The following TUSC3 variants were observed in gnomAD, a reference collection of about 807,000 sequenced individuals.
The protein encoded by TUSC3 is dolichyl-diphosphooligosaccharide--protein glycosyltransferase subunit TUSC3.
In TUSC3, 45 loss-of-function variants were observed where a neutral mutation model predicts 44.8. The ratio of observed to expected loss-of-function variants is 1.00; its 90% CI spans 0.79 to 1.29. TUSC3 has a LOEUF of 1.29. TUSC3 is among the 50% of genes most tolerant of loss of function. The probability of loss-of-function intolerance (pLI) is 0.00; values close to 1 mark genes in which losing one functional copy is unlikely to be tolerated. For missense variants in TUSC3, 519 were observed against 437.9 expected, an observed-to-expected ratio of 1.19 and a Z score of -1.65; for synonymous variants, 212 against 152.9, an observed-to-expected ratio of 1.39 and a Z score of -2.85.
chr8:15,737,843 C>T (rs1489377551), intron 7 of TUSC3, among the ~76,000 whole-genome samples: 3 of 152,086 alleles, frequency 2.0e-5, no homozygotes, highest in Non-Finnish European at 1.5e-5. Context: ...GATCATCTAG[C>T]TTCTTCCTGC....
chr8:15,538,474 G>A (rs1801562187), upstream of TUSC3, among the ~76,000 whole-genome samples: 1 of 152,182 alleles, frequency 6.6e-6, no homozygotes, highest in African/African-American at 2.4e-5. Flanking sequence ...CAAAGGCATC[G>A]TAGCATAAGC....
intron 6 of TUSC3, among the ~76,000 whole-genome samples, chr8:15,719,485 A>G (rs961433886): frequency 1.4e-5 from 2 of 139,274 alleles, no homozygotes; most frequent in African/African-American, 5.7e-5. Context: ...CACTTATAGT[A>G]TACAGTTCAT....
chr8:15,772,410 TTAAA>T, the TUSC3 span, among the ~76,000 whole-genome samples: 441 of 152,090 alleles, frequency 2.9e-3, 2 homozygotes, highest in African/African-American at 9.5e-3. Flanking sequence ...ATACCAAAAG[TTAAA>T]TAACCTAAAT....
At chr8:15,467,013 T>G (rs1800423510) in intron 1 of TUSC3, among the ~76,000 whole-genome samples, 1 of 152,148 alleles carries the variant, frequency 6.6e-6, no homozygotes, top group Non-Finnish European at 1.5e-5. Context: ...CACTGATATT[T>G]GAGAGTTGAT....
chr8:15,731,052 A>G lies in TUSC3; in HGVS notation c.862+323A>G, dbSNP rs572613198. ...CCGTATAGCATCCTAATGGCAAGAA[A>G]AAAGTGCCTTATGATATAAATAGCA... On this transcript the variant is annotated intron_variant, in intron 7 of 10. Coordinates refer to ENST00000503731, the MANE Select transcript of TUSC3 (RefSeq NM_006765.4). Among the ~76,000 whole-genome samples the G allele has an allele frequency of 2.0e-4, 31 of 152,192 alleles. 1 individual carries two copies. The South Asian group carries it at 5.8e-3, about 28-fold the overall frequency.
chr8:15,538,622 CAGCATCTGTGA>C (rs1801568044), upstream of TUSC3, among the ~76,000 whole-genome samples: 1 of 152,106 alleles, frequency 6.6e-6, no homozygotes, highest in Admixed American at 6.5e-5. Flanking sequence ...CATGAAATTT[CAGCATCTGTGA>C]ACTTTGTATT....
chr8:15,832,345 G>C, the TUSC3 span, among the ~76,000 whole-genome samples: 1 of 152,092 alleles, frequency 6.6e-6, no homozygotes, highest in African/African-American at 2.4e-5. Context: ...GAAGTACACA[G>C]ACCTGTGACA....
intron 1 of TUSC3, among the ~76,000 whole-genome samples, chr8:15,483,185 T>C (rs528981361): frequency 6.6e-6 from 1 of 152,316 alleles, no homozygotes; most frequent in African/African-American, 2.4e-5. Flanking sequence ...ATTTTTTATA[T>C]TTTGCAAAAG....
chr8:15,550,158 C>T (rs934599130), intron 1 of TUSC3, among the ~76,000 whole-genome samples: 6 of 151,680 alleles, frequency 4.0e-5, no homozygotes, highest in Non-Finnish European at 5.9e-5. Context: ...GGTCAGGGGT[C>T]GTTCTTTAAC....
chr8:15,839,244 T>G, the TUSC3 span, among the ~76,000 whole-genome samples: 1 of 152,310 alleles, frequency 6.6e-6, no homozygotes, highest in Admixed American at 6.5e-5. Context: ...CTTATCAGCT[T>G]AAGGAGATTT....
rs1806795974 is a variant in TUSC3 at position 15,649,635 on chromosome 8, TG to T, written c.309-1061del. Reference sequence around the variant, plus strand: ...ATTATGACATCTGTTTTTAGCTTCATGTTTTTTTTAAATCTCCAGCCTCTGC... The same window carrying T: ...ATTATGACATCTGTTTTTAGCTTCATTTTTTTTTAAATCTCCAGCCTCTGC... On this transcript the variant is annotated intron_variant, in intron 2 of 10. Coordinates refer to ENST00000503731, the MANE Select transcript of TUSC3 (RefSeq NM_006765.4). 2.0e-5 allele frequency among the ~76,000 whole-genome samples: 3 copies of T among 152,014 alleles called. No homozygotes were observed. The South Asian group carries it at 6.2e-4, about 32-fold the overall frequency.
chr8:15,537,711 G>A (rs1011582649), upstream of TUSC3, among the ~76,000 whole-genome samples: 3 of 152,182 alleles, frequency 2.0e-5, no homozygotes, highest in Admixed American at 6.5e-5. Flanking sequence ...TGGGAAAATG[G>A]AAGACAGCTT....
At chr8:15,617,381 G>T (rs1462523112) in intron 1 of TUSC3, among the ~76,000 whole-genome samples, 1 of 151,764 alleles carries the variant, frequency 6.6e-6, no homozygotes, top group East Asian at 1.9e-4. Context: ...CTCTTGATCT[G>T]CCCGCCTAGG....
rs188594285 is a variant in TUSC3, at chr8:15,525,852, C to T, written n.189+42369C>T. Among the ~76,000 whole-genome samples, 143 of 152,022 alleles carry T rather than the reference C, an allele frequency of 9.4e-4. 1 individual carries two copies. The South Asian group carries it at 0.011, about 12-fold the overall frequency. ...GGGGTAAAGAGCCTGATCGGTTAGGCCGTAATGGGGGAAAAAGTAGTCACA... is the reference window on the plus strand; with the variant it reads ...GGGGTAAAGAGCCTGATCGGTTAGGTCGTAATGGGGGAAAAAGTAGTCACA... On this transcript the variant is annotated intron_variant and non_coding_transcript_variant, in intron 2 of 5. Transcript: ENST00000503191.
intron 6 of TUSC3, among the ~76,000 whole-genome samples, chr8:15,685,340 T>G (rs1377074503): frequency 1.3e-5 from 2 of 152,098 alleles, no homozygotes; most frequent in Non-Finnish European, 2.9e-5. Flanking sequence ...GCTTCCTGGC[T>G]TCCTCCCTCT....
intron 1 of TUSC3, among the ~76,000 whole-genome samples, chr8:15,426,050 A>G (rs941340337): frequency 8.5e-5 from 13 of 152,328 alleles, no homozygotes; most frequent in African/African-American, 3.1e-4. Context: ...AAGATCAAAT[A>G]AAATAGTAAA....
chr8:15,744,072 A>G (rs1055671432), intron 8 of TUSC3, among the ~76,000 whole-genome samples: 3 of 152,204 alleles, frequency 2.0e-5, no homozygotes, highest in East Asian at 1.9e-4. Context: ...TTACCTTTCT[A>G]TTCGTTCCAA....
the TUSC3 span, among the ~76,000 whole-genome samples, chr8:15,811,342 C>T: frequency 6.6e-6 from 1 of 152,294 alleles, no homozygotes; most frequent in East Asian, 1.9e-4. Flanking sequence ...ACTACATCCC[C>T]TCCACACCCT....
chr8:15,826,161 T>C, the TUSC3 span, among the ~76,000 whole-genome samples: 1 of 152,186 alleles, frequency 6.6e-6, no homozygotes, highest in Non-Finnish European at 1.5e-5. Flanking sequence ...AGTTCATGCA[T>C]TCTTTCTAAA....
Sources: allele counts gnomAD v4.1 joint callset (sites outside exome capture counted in the v4.1 genomes callset), GRCh38; gene constraint gnomAD v4.1.1; transcripts MANE v1.5; gene names NCBI Gene and HGNC (gene_info 2026-07-23, HGNC 2026-07-21).